APIP: variants seen among roughly 807,000 people sequenced by gnomAD.
APIP encodes the protein methylthioribulose-1-phosphate dehydratase.
APIP carries 32 observed loss-of-function variants against 32.0 expected under a neutral mutation model. The ratio of observed to expected loss-of-function variants is 1.00; its 90% confidence interval spans 0.76 to 1.34. APIP has a LOEUF of 1.34. APIP is among the 40% of genes most tolerant of loss of function. The pLI, the probability that APIP is intolerant of heterozygous loss-of-function variation, is 0.00. For missense variants in APIP, 247 were observed against 298.6 expected, an observed-to-expected ratio of 0.83 and a Z score of 1.27; for synonymous variants, 92 against 94.8, an observed-to-expected ratio of 0.97 and a Z score of 0.17.
intron 1 of APIP, among the ~76,000 whole-genome samples, chr11:34,904,857 G>A (rs1032416979): frequency 2.0e-5 from 3 of 152,306 alleles, no homozygotes; most frequent in South Asian, 2.1e-4. Context: ...GGAATGCCTT[G>A]AATATCAATA....
At chr11:34,915,992 T>C in intron 1 of APIP, 2 of 591,030 alleles carry the variant, frequency 3.4e-6, no homozygotes, top group Admixed American at 3.1e-5. Flanking sequence ...TTCCAACGTT[T>C]GGCGCCCAGC....
chr11:34,898,429 G>C (rs1444991164), intron 1 of APIP, among the ~76,000 whole-genome samples: 1 of 152,078 alleles, frequency 6.6e-6, no homozygotes, highest in Non-Finnish European at 1.5e-5. Flanking sequence ...CGTGAGGCTG[G>C]GAAAGTTCTG....
intron 1 of APIP, among the ~76,000 whole-genome samples, chr11:34,911,305 A>G (rs940042019): frequency 6.6e-6 from 1 of 152,214 alleles, no homozygotes; most frequent in African/African-American, 2.4e-5. Context: ...ATATTTGTTC[A>G]GTGTCAACAT....
At chr11:34,908,842 A>G (rs934603761) in intron 1 of APIP, among the ~76,000 whole-genome samples, 1 of 152,178 alleles carries the variant, frequency 6.6e-6, no homozygotes, top group South Asian at 2.1e-4. Context: ...GTTATAAATT[A>G]GGTTCTGCAG....
intron 1 of APIP, among the ~76,000 whole-genome samples, chr11:34,907,021 A>G (rs375349340): frequency 1.3e-5 from 2 of 152,294 alleles, no homozygotes; most frequent in Admixed American, 6.5e-5. Context: ...GATCAACCCC[A>G]GGAGGAGCCC....
At chr11:34,898,629 T>C (rs1402328454) in intron 1 of APIP, among the ~76,000 whole-genome samples, 6 of 151,826 alleles carry the variant, frequency 4.0e-5, no homozygotes, top group South Asian at 2.1e-4. Flanking sequence ...AGGAATGCTG[T>C]TGCAATCTTC....
chr11:34,911,154 G>GAA (rs1853543011), intron 1 of APIP, among the ~76,000 whole-genome samples: 1 of 152,130 alleles, frequency 6.6e-6, no homozygotes, highest in Non-Finnish European at 1.5e-5. Flanking sequence ...AAAGGGTAGG[G>GAA]GTTGGGCAGA....
At chr11:34,897,829 C>T (rs1193527905) in intron 1 of APIP, among the ~76,000 whole-genome samples, 9 of 152,030 alleles carry the variant, frequency 5.9e-5, no homozygotes, top group Admixed American at 3.3e-4. Context: ...TAGTTTTTTT[C>T]GTGGGCTACC....
At chr11:34,890,906 T>C (rs1178812431) in intron 2 of APIP, among the ~76,000 whole-genome samples, 1 of 152,142 alleles carries the variant, frequency 6.6e-6, no homozygotes, top group East Asian at 1.9e-4. Flanking sequence ...GTTTAACCTA[T>C]GTGAAATACA....
chr11:34,908,227 A>G (rs980462678), intron 1 of APIP, among the ~76,000 whole-genome samples: 1 of 152,262 alleles, frequency 6.6e-6, no homozygotes, highest in African/African-American at 2.4e-5. Context: ...TTGCATTTCC[A>G]TGAACAACAA....
At chr11:34,901,698 T>C (rs138544654) in intron 1 of APIP, among the ~76,000 whole-genome samples, 46 of 152,292 alleles carry the variant, frequency 3.0e-4, no homozygotes, top group African/African-American at 1.0e-3. Context: ...TAGGAAGAGA[T>C]AGTCTAGCTT....
chr11:34,899,237 T>G (rs1277801446), intron 1 of APIP, among the ~76,000 whole-genome samples: 1 of 152,226 alleles, frequency 6.6e-6, no homozygotes, highest in South Asian at 2.1e-4. Flanking sequence ...GAGGCACATT[T>G]TTTTTTCTTT....
At chr11:34,895,237 A>G (rs1283676529) in intron 1 of APIP, 127 bp from the exon 2 acceptor site, 1 of 788,984 alleles carries the variant, frequency 1.3e-6, no homozygotes. Flanking sequence ...GAGTACAGTG[A>G]AGGAAAAAAC....
At chr11:34,890,578 G>A in intron 2 of APIP, 26 bp from the exon 3 acceptor site, 1 of 1,606,248 alleles carries the variant, frequency 6.2e-7, no homozygotes, top group Non-Finnish European at 8.5e-7. Flanking sequence ...ATACAAATTG[G>A]TATTTATTTA....
intron 1 of APIP, among the ~76,000 whole-genome samples, chr11:34,905,251 A>G (rs1251449851): frequency 6.6e-6 from 1 of 152,238 alleles, no homozygotes; most frequent in Non-Finnish European, 1.5e-5. Context: ...GGACTTAGTA[A>G]TACATCACAC....
chr11:34,896,374 A>G (rs1029723894), intron 1 of APIP, among the ~76,000 whole-genome samples: 5 of 152,214 alleles, frequency 3.3e-5, no homozygotes, highest in Non-Finnish European at 7.3e-5. Context: ...CATATACACA[A>G]TGGAATACTA....
chr11:34,911,541 T>G (rs1009242046), intron 1 of APIP, among the ~76,000 whole-genome samples: 1 of 152,196 alleles, frequency 6.6e-6, no homozygotes, highest in Non-Finnish European at 1.5e-5. Flanking sequence ...CACAGGAAGT[T>G]GTTTATTTGG....
At chr11:34,895,825 T>C (rs1307612808) in intron 1 of APIP, among the ~76,000 whole-genome samples, 2 of 151,730 alleles carry the variant, frequency 1.3e-5, no homozygotes, top group Non-Finnish European at 2.9e-5. Context: ...GCCCACACCA[T>C]TTTCTCCTGC....
In APIP at chr11:34,882,592, T is replaced by C; in HGVS notation, c.*125A>G. On this transcript the variant is annotated 3_prime_UTR_variant, in exon 7 of 7. Transcript: ENST00000395787. ...GTCAGAAGAGATTCAGGGTGACCAT[T>C]TGCAGTATTTAGTGGCAAATTAGTA... 2 of 602,854 alleles carry C rather than the reference T, an allele frequency of 3.3e-6. No homozygotes were observed. The highest frequency in any genetic ancestry group is 2.4e-5 in the South Asian group (1 of 41,608). 37.3% of individuals were successfully genotyped at this position (602,854 alleles called of 1,614,324 possible). A position where few individuals can be genotyped will look rare whatever the true frequency, so the allele number is the denominator to read the frequency against.
Sources: gnomAD v4.1 joint callset for allele counts (sites outside exome capture counted in the v4.1 genomes callset) on GRCh38, gnomAD v4.1.1 for gene constraint, MANE v1.5 for transcripts, NCBI Gene and HGNC (gene_info 2026-07-23, HGNC 2026-07-21) for gene names.